JADE3: variants seen among roughly 807,000 people sequenced by gnomAD.
JADE3 encodes the protein jade family PHD finger 3.
JADE3 carries 2 observed loss-of-function variants against 50.1 expected under a neutral mutation model. The observed-to-expected ratio is 0.04, with a 90% CI of 0.02 to 0.13. The LOEUF (loss-of-function observed/expected upper bound fraction) is 0.13. Among genes scored for constraint, JADE3 ranks in the 10% least tolerant of loss-of-function variants. The probability of loss-of-function intolerance (pLI) is 1.00; values close to 1 mark genes in which losing one functional copy is unlikely to be tolerated. For synonymous variants in JADE3, 218 were observed against 232.9 expected, an observed-to-expected ratio of 0.94 and a Z score of 0.58; for missense variants, 475 against 634.4, an observed-to-expected ratio of 0.75 and a Z score of 2.70.
chrX:46,955,810 T>A (rs781830323), intron 1 of JADE3, among the ~76,000 whole-genome samples: 1 of 110,605 alleles, frequency 9.0e-6, no homozygotes, highest in Admixed American at 9.6e-5. Flanking sequence ...ACAACATTAT[T>A]TTTTACCCCA....
Position 47,059,248 on chromosome X carries a change from A to G in JADE3, c.*171A>G, listed in dbSNP as rs1308842787. The G allele has an allele frequency of 1.6e-5, 7 of 436,770 alleles. No individual in the cohort carries two copies. The East Asian group carries it at 2.7e-4, about 17-fold the overall frequency. The allele number at this position is 436,770 out of a possible 1,213,427, so 36.0% of individuals were successfully genotyped here. ...TGAAAATGTTTCAAGTCTAGTTTTT[A>G]CAAGCACATTACAGTAATTGCAGGT... On this transcript the variant is annotated 3_prime_UTR_variant, in exon 11 of 11. Transcript: ENST00000614628.
chrX:47,002,933 G>A (rs1438416369), intron 4 of JADE3, among the ~76,000 whole-genome samples: 1 of 110,914 alleles, frequency 9.0e-6, no homozygotes, highest in Admixed American at 9.6e-5. Flanking sequence ...TTAACTATAG[G>A]GTTTTTCATA....
intron 1 of JADE3, among the ~76,000 whole-genome samples, chrX:46,957,172 T>TTA (rs1556346631): frequency 9.0e-6 from 1 of 110,614 alleles, no homozygotes; most frequent in Admixed American, 9.7e-5. Flanking sequence ...TTTGGTCACC[T>TTA]CTTCTAATGT....
At chrX:47,003,716 TACAA>T (rs1347689285) in intron 4 of JADE3, among the ~76,000 whole-genome samples, 4 of 100,399 alleles carry the variant, frequency 4.0e-5, no homozygotes, top group African/African-American at 1.4e-4. Flanking sequence ...ATATAAAAAT[TACAA>T]ATTATAATTA....
chrX:47,027,502 T>C (rs1273185126), intron 5 of JADE3, among the ~76,000 whole-genome samples: 3 of 111,939 alleles, frequency 2.7e-5, no homozygotes, highest in Non-Finnish European at 5.6e-5. Context: ...CAAATAGTTA[T>C]GTGATTTTAA....
rs782637095 is a variant in JADE3, at chrX:47,024,956, T to G, written c.475+42T>G. ...CAAGTAAGTTGTGACTTAATTCATG[T>G]TTTTTTTTTAAGTTATCAGAACCCT... On this transcript the variant is annotated intron_variant, in intron 5 of 10. Transcript: ENST00000614628. 58 of 660,727 alleles carry G rather than the reference T, an allele frequency of 8.8e-5. No individual in the cohort carries two copies. The South Asian group carries it at 1.5e-3, about 17-fold the overall frequency. 54.5% of individuals were successfully genotyped at this position (660,727 alleles called of 1,213,427 possible).
At chrX:46,958,983 T>C (rs1556347117) in intron 1 of JADE3, among the ~76,000 whole-genome samples, 2 of 112,137 alleles carry the variant, frequency 1.8e-5, no homozygotes. Flanking sequence ...GGCCAGTAGC[T>C]TGGGACATCA....
chrX:46,929,255 A>ATG (rs1926441606), intron 1 of JADE3, among the ~76,000 whole-genome samples: 1 of 112,417 alleles, frequency 8.9e-6, no homozygotes, highest in Non-Finnish European at 1.9e-5. Flanking sequence ...GTGTTTGTGT[A>ATG]TGTGTGTGTG....
rs138452794 is a variant in JADE3 at position 46,919,250 on chromosome X, T to C, written c.-12+6531T>C. ...GGCTATTATCAAAGGAGTCTCTAGATTTCCTCAACCTTCCATTCAAGCATT... is the reference window on the plus strand; with the variant it reads ...GGCTATTATCAAAGGAGTCTCTAGACTTCCTCAACCTTCCATTCAAGCATT... On this transcript the variant is annotated intron_variant, in intron 1 of 10. Coordinates refer to ENST00000614628, the MANE Select transcript of JADE3 (RefSeq NM_014735.5). 9.5e-3 allele frequency among the ~76,000 whole-genome samples: 1,061 copies of C among 111,683 alleles called. 8 individuals are homozygous for C. Among genetic ancestry groups the C allele is most frequent in the East Asian group, 0.027 (95 of 3,563 alleles).
intron 1 of JADE3, among the ~76,000 whole-genome samples, chrX:46,939,617 T>G (rs1158302870): frequency 7.8e-4 from 88 of 112,175 alleles, no homozygotes; most frequent in African/African-American, 2.7e-3. Flanking sequence ...CTGTTTCCAC[T>G]GTAATGTATT....
At chrX:46,913,836 G>A (rs1556335741) in intron 1 of JADE3, among the ~76,000 whole-genome samples, 1 of 110,723 alleles carries the variant, frequency 9.0e-6, no homozygotes, top group African/African-American at 3.3e-5. Context: ...TTGTTTGGCC[G>A]CTTCTCCGAC....
intron 1 of JADE3, chrX:46,913,047 G>A (rs1207067350): frequency 8.9e-6 from 1 of 112,178 alleles, no homozygotes; most frequent in East Asian, 2.9e-4. Flanking sequence ...GGCAGGAATT[G>A]AGCGCCATAA....
chrX:46,955,236 AAC>A (rs1208231733), intron 1 of JADE3, among the ~76,000 whole-genome samples: 1 of 112,464 alleles, frequency 8.9e-6, no homozygotes, highest in African/African-American at 3.2e-5. Context: ...TTTAAAAGAA[AAC>A]ACATTCATTA....
At chrX:46,934,206 G>C (rs1354873787) in intron 1 of JADE3, among the ~76,000 whole-genome samples, 2 of 111,257 alleles carry the variant, frequency 1.8e-5, no homozygotes, top group African/African-American at 6.5e-5. Flanking sequence ...TACAATCTTG[G>C]CTCACTGCAA....
chrX:46,980,846 A>G (rs1927732967), intron 1 of JADE3, among the ~76,000 whole-genome samples: 2 of 111,724 alleles, frequency 1.8e-5, no homozygotes. Flanking sequence ...TAAGATTGCT[A>G]TTTAGCTGAC....
At chrX:46,920,746 T>G (rs782482031) in intron 1 of JADE3, among the ~76,000 whole-genome samples, 140 of 112,531 alleles carry the variant, frequency 1.2e-3, no homozygotes, top group Non-Finnish European at 2.4e-3. Context: ...GAATTGCCTT[T>G]GCATATGTGT....
At chrX:46,987,584 A>G (rs781835512) in intron 3 of JADE3, among the ~76,000 whole-genome samples, 1 of 112,281 alleles carries the variant, frequency 8.9e-6, no homozygotes, top group South Asian at 3.7e-4. Flanking sequence ...TGGGCACAAT[A>G]GAATGTAAGA....
chrX:46,937,884 G>A (rs1305875132), intron 1 of JADE3, among the ~76,000 whole-genome samples: 3 of 111,653 alleles, frequency 2.7e-5, no homozygotes, highest in Non-Finnish European at 5.6e-5. Flanking sequence ...GGGAGCTGAG[G>A]CAGGAGAATC....
chrX:47,028,509 C>G (rs1025972721), intron 6 of JADE3, among the ~76,000 whole-genome samples: 1 of 110,012 alleles, frequency 9.1e-6, no homozygotes, highest in Non-Finnish European at 1.9e-5. Context: ...AAATAGAAGT[C>G]CAGACTCCTT....
Sources: allele counts gnomAD v4.1 joint callset (sites outside exome capture counted in the v4.1 genomes callset), GRCh38; gene constraint gnomAD v4.1.1; transcripts MANE v1.5; gene names NCBI Gene and HGNC (gene_info 2026-07-23, HGNC 2026-07-21).